Variants in HS6ST3 observed in about 807,000 individuals in gnomAD.
HS6ST3 encodes heparan-sulfate 6-O-sulfotransferase 3.
A neutral mutation model predicts 36.7 loss-of-function variants in HS6ST3; 12 were observed. The observed-to-expected ratio is 0.33, with a 90% CI of 0.21 to 0.53. HS6ST3 has a LOEUF of 0.53. Among genes scored for constraint, HS6ST3 ranks in the 20% least tolerant of loss-of-function variants. HS6ST3 has a pLI of 0.95. For synonymous variants in HS6ST3, 240 were observed against 257.5 expected (o/e 0.93, Z 0.65); for missense variants, 584 against 640.9 (o/e 0.91, Z 0.96).
chr13:96,129,947 C>T (rs1309551156), intron 1 of HS6ST3, among the ~76,000 whole-genome samples: 1 of 152,126 alleles, frequency 6.6e-6, no homozygotes, highest in Non-Finnish European at 1.5e-5. Context: ...GTTGATGAAG[C>T]CACCATGATG....
intron 1 of HS6ST3, among the ~76,000 whole-genome samples, chr13:96,774,141 A>G (rs960431446): frequency 4.6e-5 from 7 of 152,220 alleles, no homozygotes; most frequent in African/African-American, 1.7e-4. Context: ...CAACATCATT[A>G]AAAAGGACGT....
At chr13:96,673,116 A>C (rs1849145944) in intron 1 of HS6ST3, among the ~76,000 whole-genome samples, 1 of 152,130 alleles carries the variant, frequency 6.6e-6, no homozygotes, top group Non-Finnish European at 1.5e-5. Context: ...GCTGGTGGCC[A>C]TATCACATCA....
At chr13:96,550,298 C>G (rs1457565068) in intron 1 of HS6ST3, among the ~76,000 whole-genome samples, 1 of 152,142 alleles carries the variant, frequency 6.6e-6, no homozygotes, top group East Asian at 1.9e-4. Context: ...GAACCCCCTT[C>G]TTTCTCTCCT....
chr13:96,798,146 A>G (rs1454651133), intron 1 of HS6ST3, among the ~76,000 whole-genome samples: 1 of 152,064 alleles, frequency 6.6e-6, no homozygotes, highest in African/African-American at 2.4e-5. Flanking sequence ...ACAAAAGGAT[A>G]CAGACGAAGA....
At chr13:96,331,547 T>G (rs1231915628) in intron 1 of HS6ST3, among the ~76,000 whole-genome samples, 1 of 151,872 alleles carries the variant, frequency 6.6e-6, no homozygotes, top group Non-Finnish European at 1.5e-5. Flanking sequence ...TTCTCAGATC[T>G]CCAGCTGCGT....
chr13:96,560,962 G>A (rs1209315363), intron 1 of HS6ST3, among the ~76,000 whole-genome samples: 1 of 152,020 alleles, frequency 6.6e-6, no homozygotes, highest in Admixed American at 6.6e-5. Context: ...TGGCTATACT[G>A]TCCAAAGCAA....
At chr13:96,160,462 C>T (rs1158003403) in intron 1 of HS6ST3, among the ~76,000 whole-genome samples, 1 of 152,144 alleles carries the variant, frequency 6.6e-6, no homozygotes, top group East Asian at 1.9e-4. Flanking sequence ...AGGGTTATTT[C>T]CTTTAGGTAA....
intron 1 of HS6ST3, among the ~76,000 whole-genome samples, chr13:96,580,530 C>CT (rs2056338167): frequency 6.6e-6 from 1 of 151,998 alleles, no homozygotes; most frequent in African/African-American, 2.4e-5. Flanking sequence ...TTGCTAATCC[C>CT]TACCGTGAGT....
chr13:96,636,077 C>T (rs748184118), intron 1 of HS6ST3, among the ~76,000 whole-genome samples: 58 of 152,098 alleles, frequency 3.8e-4, no homozygotes, highest in Admixed American at 1.1e-3. Context: ...ACTACTTCAT[C>T]GACAATTCGA....
chr13:96,823,440 A>G lies in HS6ST3; in HGVS notation c.708-9050A>G, dbSNP rs189060044. ...TGGAAGAACATTGTATTCTTATGAA[A>G]GAATATTAAATAAAATGGAAAAACA... is the stretch of plus-strand genomic sequence containing the variant. On this transcript the variant is annotated intron_variant, in intron 1 of 1. Transcript: ENST00000376705. Among the ~76,000 whole-genome samples, 7 of 152,308 alleles carry G rather than the reference A, an allele frequency of 4.6e-5. No homozygotes were observed. In the East Asian group the frequency reaches 1.4e-3, roughly 29 times the overall value.
In HS6ST3 at chr13:96,615,155, A is replaced by G. The variant is rs1332441844; in HGVS notation, c.708-217335A>G. On this transcript the variant is annotated intron_variant, in intron 1 of 1. Coordinates refer to ENST00000376705, the MANE Select transcript of HS6ST3 (RefSeq NM_153456.4). ...GGTTTTTGCTATTAATGGAATGAAA[A>G]AAACCACAATTACTGTTGCACCAAA... is the stretch of plus-strand genomic sequence containing the variant. 2.0e-5 allele frequency among the ~76,000 whole-genome samples: 3 copies of G among 152,340 alleles called. No homozygotes were observed. The East Asian group carries it at 5.8e-4, about 29-fold the overall frequency.
chr13:96,649,323 G>A (rs950331818), intron 1 of HS6ST3, among the ~76,000 whole-genome samples: 1 of 152,004 alleles, frequency 6.6e-6, no homozygotes, highest in South Asian at 2.1e-4. Context: ...TGAAGAGTGG[G>A]GAAGCCCATT....
intron 1 of HS6ST3, among the ~76,000 whole-genome samples, chr13:96,778,213 TA>T (rs1189213198): frequency 1.3e-5 from 2 of 152,216 alleles, no homozygotes; most frequent in Non-Finnish European, 2.9e-5. Context: ...CCTAAAACCA[TA>T]AAAACCCTAG....
intron 1 of HS6ST3, among the ~76,000 whole-genome samples, chr13:96,406,375 G>A (rs113339310): frequency 2.6e-4 from 40 of 152,172 alleles, no homozygotes; most frequent in African/African-American, 8.9e-4. Flanking sequence ...ATTTTTGTGC[G>A]TTTTGCTTAG....
chr13:96,274,254 G>A (rs2054736778), intron 1 of HS6ST3, among the ~76,000 whole-genome samples: 1 of 151,782 alleles, frequency 6.6e-6, no homozygotes, highest in South Asian at 2.1e-4. Flanking sequence ...ACTTACACAT[G>A]TTCTCTGAAT....
chr13:96,280,216 T>C (rs1420335448), intron 1 of HS6ST3, among the ~76,000 whole-genome samples: 1 of 152,196 alleles, frequency 6.6e-6, no homozygotes, highest in Non-Finnish European at 1.5e-5. Context: ...TACCTGGTGG[T>C]TAATAGCTGC....
intron 1 of HS6ST3, among the ~76,000 whole-genome samples, chr13:96,226,919 ACAGT>A (rs1423477327): frequency 2.0e-5 from 3 of 152,220 alleles, no homozygotes; most frequent in Non-Finnish European, 4.4e-5. Flanking sequence ...AATTGATTAG[ACAGT>A]CAGTAGTGTC....
intron 1 of HS6ST3, among the ~76,000 whole-genome samples, chr13:96,265,543 G>C (rs928752058): frequency 6.6e-6 from 1 of 152,120 alleles, no homozygotes; most frequent in Non-Finnish European, 1.5e-5. Context: ...ATTTTATGTA[G>C]TGTGAAAAGT....
At chr13:96,115,236 GA>G (rs1311163834) in intron 1 of HS6ST3, among the ~76,000 whole-genome samples, 4 of 152,166 alleles carry the variant, frequency 2.6e-5, no homozygotes, top group Non-Finnish European at 5.9e-5. Flanking sequence ...CCAAGTGGCA[GA>G]AATCAATCTA....
Sources: allele counts gnomAD v4.1 joint callset (sites outside exome capture counted in the v4.1 genomes callset), GRCh38; gene constraint gnomAD v4.1.1; transcripts MANE v1.5; gene names NCBI Gene and HGNC (gene_info 2026-07-23, HGNC 2026-07-21).